ING2: variants seen among roughly 807,000 people sequenced by gnomAD.
ING2 encodes inhibitor of growth protein 2.
A neutral mutation model predicts 30.6 loss-of-function variants in ING2; 7 were observed. That is an observed-to-expected ratio of 0.23 (90% CI 0.13 to 0.43). The LOEUF (loss-of-function observed/expected upper bound fraction) is 0.43. ING2 is among the 20% of genes least tolerant of loss of function. The pLI is 1.00. For synonymous variants in ING2, 136 were observed against 121.7 expected (o/e 1.12, Z -0.78); for missense variants, 239 against 334.9 (o/e 0.71, Z 2.24).
chr4:183,509,518 T>G (rs1042526831), intron 1 of ING2, among the ~76,000 whole-genome samples: 8 of 151,594 alleles, frequency 5.3e-5, no homozygotes, highest in African/African-American at 1.9e-4. Flanking sequence ...CGATCTCGGC[T>G]CACTGCAAGC....
At chr4:183,505,807 G>A (rs1282892607) in intron 1 of ING2, among the ~76,000 whole-genome samples, 1 of 152,024 alleles carries the variant, frequency 6.6e-6, no homozygotes, top group African/African-American at 2.4e-5. Context: ...CGGAGTGCGG[G>A]TGCTTTGGAA....
Position 183,505,081 on chromosome 4 carries a change from C to G in ING2, c.-115C>G, listed in dbSNP as rs1327133897. 5.0e-6 allele frequency: 5 copies of G among 1,006,090 alleles called. No homozygotes were observed. The African/African-American group carries it at 6.9e-5, about 14-fold the overall frequency. The allele number at this position is 1,006,090 out of a possible 1,614,324, so 62.3% of individuals were successfully genotyped here. On this transcript the variant is annotated 5_prime_UTR_variant, in exon 1 of 2. Transcript: ENST00000302327. Reference sequence around the variant, plus strand: ...GGGAGCGCGGCCGTGCCCTCTCGAGCGGCTGCGGGGTCCCCGCGGCGCCGG... The same window carrying G: ...GGGAGCGCGGCCGTGCCCTCTCGAGGGGCTGCGGGGTCCCCGCGGCGCCGG...
rs1734814605 is a variant in ING2 at position 183,511,204 on chromosome 4, TA to T, written c.*253del. 4 of 286,958 alleles carry T rather than the reference TA, an allele frequency of 1.4e-5. No homozygotes were observed. The highest frequency in any genetic ancestry group is 6.0e-5 in the East Asian group (1 of 16,628). 17.8% of individuals were successfully genotyped at this position (286,958 alleles called of 1,614,324 possible). ...AACAGGAAGAGGGTGGTGTAAACATTATAAAAATTTCACAAACCATGCCTAT... is the reference window on the plus strand; with the variant it reads ...AACAGGAAGAGGGTGGTGTAAACATTTAAAAATTTCACAAACCATGCCTAT... On this transcript the variant is annotated 3_prime_UTR_variant, in exon 2 of 2. Transcript: ENST00000302327.
intron 1 of ING2, chr4:183,506,046 G>A (rs1579166960): frequency 9.1e-7 from 1 of 1,103,554 alleles, no homozygotes; most frequent in African/African-American, 1.7e-5. Flanking sequence ...GAGGGCCCCC[G>A]CGCCGGGGGC....
chr4:183,506,745 T>C (rs1734658964), intron 1 of ING2, among the ~76,000 whole-genome samples: 1 of 151,422 alleles, frequency 6.6e-6, no homozygotes, highest in South Asian at 2.1e-4. Context: ...AATTTGTTTC[T>C]GTTTTCTGAA....
At chr4:183,510,074 C>G (rs1734786140) in intron 1 of ING2, among the ~76,000 whole-genome samples, 1 of 152,146 alleles carries the variant, frequency 6.6e-6, no homozygotes, top group Non-Finnish European at 1.5e-5. Context: ...GTTTTGTGTT[C>G]TTTCTTTTCA....
rs1187573346 is a variant in ING2 at position 183,510,419 on chromosome 4, G to A, written c.310G>A (p.Val104Ile). 1 of 1,614,148 alleles carries A rather than the reference G, an allele frequency of 6.2e-7. No individual in the cohort carries two copies. Among genetic ancestry groups the A allele is most frequent in the Non-Finnish European group, 8.5e-7 (1 of 1,180,036 alleles). Reference sequence around the variant, plus strand: ...ATTGGGAGATGAAAAAATACAGATTGTTACACAAATGCTCGAATTGGTGGA... The same window carrying A: ...ATTGGGAGATGAAAAAATACAGATTATTACACAAATGCTCGAATTGGTGGA... Reference protein sequence around the residue: ...QELGDEKIQIVTQMLELVENR... With the variant: ...QELGDEKIQIITQMLELVENR... The change falls in exon 2 of 2, where the codon GTT (valine) becomes ATT (isoleucine). Residue 104 changes from valine to isoleucine, a missense_variant. Val to Ile is a conservative substitution (Grantham distance 29). Coordinates refer to ENST00000302327, the MANE Select transcript of ING2 (RefSeq NM_001564.4).
At chr4:183,506,223 T>TGCA in intron 1 of ING2, 1 of 1,304,066 alleles carries the variant, frequency 7.7e-7, no homozygotes, top group South Asian at 1.2e-5. Context: ...AATCGGGGTT[T>TGCA]GCAGCATGTT....
intron 1 of ING2, among the ~76,000 whole-genome samples, chr4:183,508,512 A>T (rs1199026222): frequency 1.3e-5 from 2 of 152,246 alleles, no homozygotes; most frequent in Admixed American, 1.3e-4. Context: ...AGGTGTAAGT[A>T]CTCTGAACTG....
Position 183,510,328 on chromosome 4 carries a change from A to G in ING2, c.219A>G (p.Glu73=). ...IDDVYEKYKK[E]DDLNQKKRLQ... is the part of the protein sequence containing the mutation. ...ATGTCTACGAAAAATATAAGAAAGA[A>G]GATGATTTAAACCAGAAGAAACGTC... Residue 73 remains glutamate, a synonymous_variant, in exon 2 of 2, where the codon GAA becomes GAG. Coordinates refer to ENST00000302327, the MANE Select transcript of ING2 (RefSeq NM_001564.4). The G allele has an allele frequency of 6.3e-7, 1 of 1,599,976 alleles. No homozygotes were observed. Among genetic ancestry groups the G allele is most frequent in the Admixed American group, 1.8e-5 (1 of 55,832 alleles).
At chr4:183,509,760 G>T (rs1734772700) in intron 1 of ING2, among the ~76,000 whole-genome samples, 1 of 115,604 alleles carries the variant, frequency 8.7e-6, no homozygotes, top group African/African-American at 3.5e-5. Flanking sequence ...TTGAGATGGA[G>T]TTTTGCTCTG....
chr4:183,509,638 G>A (rs1734766753), intron 1 of ING2, among the ~76,000 whole-genome samples: 1 of 151,552 alleles, frequency 6.6e-6, no homozygotes, highest in African/African-American at 2.4e-5. Context: ...TAGTAGAGAC[G>A]GGGTTTCACC....
rs917667567 is a variant in ING2, at chr4:183,512,345, G to T, written c.*1393G>T. 1.3e-5 allele frequency among the ~76,000 whole-genome samples: 2 copies of T among 152,026 alleles called. No homozygotes were observed. Among genetic ancestry groups the T allele is most frequent in the Admixed American group, 6.6e-5 (1 of 15,262 alleles). ...GGTCATTCACCTGTAAAATGAGTTG[G>T]CTTAAATATCTCCGAGATTCCTTGG... is the stretch of plus-strand genomic sequence containing the variant. On this transcript the variant is annotated 3_prime_UTR_variant, in exon 2 of 2. Coordinates refer to ENST00000302327, the MANE Select transcript of ING2 (RefSeq NM_001564.4).
chr4:183,508,390 G>A (rs1734731926), intron 1 of ING2, among the ~76,000 whole-genome samples: 2 of 152,032 alleles, frequency 1.3e-5, no homozygotes, highest in South Asian at 4.2e-4. Flanking sequence ...GTGTCTGAGG[G>A]AACCAGTTTC....
intron 1 of ING2, among the ~76,000 whole-genome samples, chr4:183,509,446 T>C (rs1170049665): frequency 2.0e-5 from 3 of 150,682 alleles, no homozygotes; most frequent in Admixed American, 6.6e-5. Context: ...ACATCTCTTA[T>C]CCTTTTTTTT....
chr4:183,506,912 T>C lies in ING2; in HGVS notation c.172+1545T>C, dbSNP rs76765632. On this transcript the variant is annotated intron_variant, in intron 1 of 1. Transcript: ENST00000302327. ...GTTAATTCGATGTAGAATATTTGGCTCCAGAGCCTGCTACTGTAGATGCAT... is the reference window on the plus strand; with the variant it reads ...GTTAATTCGATGTAGAATATTTGGCCCCAGAGCCTGCTACTGTAGATGCAT... Among the ~76,000 whole-genome samples, 1,434 of 152,338 alleles carry C rather than the reference T, an allele frequency of 9.4e-3. 49 individuals carry two copies. The East Asian group carries it at 0.11, about 12-fold the overall frequency.
Position 183,510,593 on chromosome 4 carries a change from G to A in ING2, c.484G>A (p.Asp162Asn). 6.2e-7 allele frequency: 1 copy of A among 1,614,072 alleles called. No homozygotes were observed. Among genetic ancestry groups the A allele is most frequent in the Non-Finnish European group, 8.5e-7 (1 of 1,180,020 alleles). The change falls in exon 2 of 2, where the codon GAT becomes AAT. Residue 162 changes from aspartate to asparagine, a missense_variant. Physicochemically the swap from Asp to Asn is conservative, Grantham distance 23. Coordinates refer to ENST00000302327, the MANE Select transcript of ING2 (RefSeq NM_001564.4). ...CAGGCAGCGGACCAGTGAAAGCCGT[G>A]ATTTATGTCACATGGCAAATGGGAT... Reference protein sequence around the residue: ...PRRQRTSESRDLCHMANGIED... With the variant: ...PRRQRTSESRNLCHMANGIED...
At chr4:183,505,514 C>G in intron 1 of ING2, 147 bp downstream of exon 1, 2 of 819,458 alleles carry the variant, frequency 2.4e-6, no homozygotes, top group South Asian at 4.0e-5. Context: ...ACCGGGTTGG[C>G]GGCCCTCCGT....
chr4:183,506,689 A>G (rs1322416191), intron 1 of ING2, among the ~76,000 whole-genome samples: 8 of 150,980 alleles, frequency 5.3e-5, no homozygotes, highest in Non-Finnish European at 7.4e-5. Flanking sequence ...TCTCTAAGGA[A>G]TCCACTTCTT....
Sources: gnomAD v4.1 joint callset for allele counts (sites outside exome capture counted in the v4.1 genomes callset) on GRCh38, gnomAD v4.1.1 for gene constraint, MANE v1.5 for transcripts, NCBI Gene and HGNC (gene_info 2026-07-23, HGNC 2026-07-21) for gene names.